Variants in AKT3 observed in about 807,000 individuals in gnomAD.
The protein encoded by AKT3 is AKT serine/threonine kinase 3.
In AKT3, 15 loss-of-function variants were observed where a neutral mutation model predicts 65.3. That is an observed-to-expected ratio of 0.23 (90% CI 0.15 to 0.35). AKT3 has a LOEUF of 0.35. Among genes scored for constraint, AKT3 ranks in the 10% least tolerant of loss-of-function variants. The pLI, the probability that AKT3 is intolerant of heterozygous loss-of-function variation, is 1.00. For missense variants in AKT3, 243 were observed against 576.5 expected (o/e 0.42, Z 5.92); for synonymous variants, 206 against 183.8 (o/e 1.12, Z -0.98).
chr1:243,618,933 G>A (rs549673629), intron 6 of AKT3, among the ~76,000 whole-genome samples: 2 of 152,184 alleles, frequency 1.3e-5, no homozygotes, highest in South Asian at 4.2e-4. Context: ...AACACCATGA[G>A]TGTCATCTCC....
At chr1:243,630,239 A>T (rs1679505491) in intron 6 of AKT3, among the ~76,000 whole-genome samples, 1 of 152,214 alleles carries the variant, frequency 6.6e-6, no homozygotes, top group East Asian at 1.9e-4. Context: ...AGAAGTCTCA[A>T]CCAGTGCAGT....
upstream of AKT3, among the ~76,000 whole-genome samples, chr1:243,850,292 G>T (rs1455396242): frequency 1.7e-5 from 2 of 119,356 alleles, no homozygotes; most frequent in Non-Finnish European, 3.9e-5. Context: ...GAGCTGGAGC[G>T]GGAGGCGGCG....
At chr1:243,818,914 A>G (rs574572654) in intron 2 of AKT3, among the ~76,000 whole-genome samples, 19 of 152,298 alleles carry the variant, frequency 1.2e-4, no homozygotes, top group Admixed American at 2.0e-4. Flanking sequence ...TGGGAGCCAC[A>G]ATGGAGAAAG....
intron 3 of AKT3, among the ~76,000 whole-genome samples, chr1:243,672,720 A>AG (rs1683236654): frequency 6.6e-6 from 1 of 152,206 alleles, no homozygotes; most frequent in African/African-American, 2.4e-5. Context: ...ACTTCTCCTA[A>AG]CACATTTTTC....
At chr1:243,764,138 C>T (rs1039320017) in intron 2 of AKT3, among the ~76,000 whole-genome samples, 2 of 152,002 alleles carry the variant, frequency 1.3e-5, no homozygotes, top group Non-Finnish European at 2.9e-5. Flanking sequence ...ACATCTAAGT[C>T]GCTACTTTAT....
At chr1:243,567,468 A>T (rs1362150395) in intron 9 of AKT3, among the ~76,000 whole-genome samples, 7 of 139,208 alleles carry the variant, frequency 5.0e-5, no homozygotes, top group African/African-American at 1.6e-4. Flanking sequence ...ACGCCCTGCT[A>T]GTTTTTGTTT....
intron 2 of AKT3, among the ~76,000 whole-genome samples, chr1:243,742,578 C>T (rs959080020): frequency 1.3e-5 from 2 of 152,042 alleles, no homozygotes; most frequent in African/African-American, 2.4e-5. Flanking sequence ...TGAGTCGAGA[C>T]GGCACCACTG....
At chr1:243,652,023 T>A (rs565010353) in intron 4 of AKT3, among the ~76,000 whole-genome samples, 87 of 149,766 alleles carry the variant, frequency 5.8e-4, no homozygotes, top group African/African-American at 2.0e-3. Context: ...GGGCCAATAC[T>A]CAACATCCTT....
chr1:243,753,305 G>A (rs1688924020), intron 2 of AKT3, among the ~76,000 whole-genome samples: 1 of 152,060 alleles, frequency 6.6e-6, no homozygotes, highest in African/African-American at 2.4e-5. Context: ...AGAAAGCTAG[G>A]GAATATAAAG....
At chr1:243,680,713 T>C (rs1031860987) in intron 3 of AKT3, among the ~76,000 whole-genome samples, 1 of 152,158 alleles carries the variant, frequency 6.6e-6, no homozygotes, top group Non-Finnish European at 1.5e-5. Flanking sequence ...GCAATGATTA[T>C]ATAACTTACT....
chr1:243,581,376 G>T (rs1335797971), intron 8 of AKT3, among the ~76,000 whole-genome samples: 14 of 152,202 alleles, frequency 9.2e-5, no homozygotes, highest in Non-Finnish European at 1.5e-5. Flanking sequence ...CATGTTGGCT[G>T]CAGTTAGCTC....
At chr1:243,516,573 G>C (rs1670369275) in intron 12 of AKT3, among the ~76,000 whole-genome samples, 1 of 151,934 alleles carries the variant, frequency 6.6e-6, no homozygotes. Flanking sequence ...GTTTTTTAGA[G>C]ACAAAATCTG....
chr1:243,672,700 G>T lies in AKT3; in HGVS notation c.173-7817C>A, dbSNP rs149770995. Reference sequence around the variant, plus strand: ...TGAGTTGAATTTGAAGTCACGATATGTTAATGTGAACTTCTCCTAACACAT... The same window carrying T: ...TGAGTTGAATTTGAAGTCACGATATTTTAATGTGAACTTCTCCTAACACAT... On this transcript the variant is annotated intron_variant, in intron 3 of 13. Transcript: ENST00000673466. Among the ~76,000 whole-genome samples, 86 of 152,314 alleles carry T rather than the reference G, an allele frequency of 5.6e-4. 1 individual carries two copies. In the East Asian group the frequency reaches 0.015, roughly 27 times the overall value.
chr1:243,557,891 G>C (rs999344915), intron 10 of AKT3, among the ~76,000 whole-genome samples: 1 of 151,918 alleles, frequency 6.6e-6, no homozygotes. Context: ...TTTTAGAAAG[G>C]CTACTAAAAC....
intron 3 of AKT3, among the ~76,000 whole-genome samples, chr1:243,693,695 A>T (rs571102735): frequency 1.3e-5 from 2 of 152,252 alleles, no homozygotes; most frequent in South Asian, 4.1e-4. Flanking sequence ...AATTTGAACT[A>T]CTTCTTCAGC....
chr1:243,693,402 C>T (rs1684852835), intron 3 of AKT3, among the ~76,000 whole-genome samples: 1 of 150,746 alleles, frequency 6.6e-6, no homozygotes, highest in Non-Finnish European at 1.5e-5. Context: ...CCCTCTCTTG[C>T]ACCAATTGTT....
At chr1:243,616,454 CTA>C (rs1472676440) in intron 6 of AKT3, among the ~76,000 whole-genome samples, 3 of 151,508 alleles carry the variant, frequency 2.0e-5, no homozygotes, top group Admixed American at 1.3e-4. Context: ...CAAAAGCAAA[CTA>C]GTGTTTTCTT....
intron 6 of AKT3, among the ~76,000 whole-genome samples, chr1:243,633,303 A>G (rs1339038966): frequency 1.3e-5 from 2 of 152,190 alleles, no homozygotes; most frequent in Non-Finnish European, 2.9e-5. Context: ...ACAGTCACTT[A>G]AAGTCAGATG....
intron 2 of AKT3, among the ~76,000 whole-genome samples, chr1:243,746,717 A>G (rs1275096234): frequency 6.6e-6 from 1 of 152,226 alleles, no homozygotes; most frequent in African/African-American, 2.4e-5. Flanking sequence ...TTTTTAAAGA[A>G]ATTAGTTTAT....
Sources: gnomAD v4.1 joint callset for allele counts (sites outside exome capture counted in the v4.1 genomes callset) on GRCh38, gnomAD v4.1.1 for gene constraint, MANE v1.5 for transcripts, NCBI Gene and HGNC (gene_info 2026-07-23, HGNC 2026-07-21) for gene names.